The following RASGRP1 variants were observed in gnomAD, a reference collection of about 807,000 sequenced individuals.
The protein encoded by RASGRP1 is RAS guanyl releasing protein 1, also known as RAS guanyl-releasing protein 1.
Under a neutral mutation model 95.1 loss-of-function variants are expected in RASGRP1, and 37 were observed. The ratio of observed to expected loss-of-function variants is 0.39; its 90% CI spans 0.30 to 0.51. The LOEUF (loss-of-function observed/expected upper bound fraction) is 0.51, where lower values mean the gene tolerates loss of function less well. RASGRP1 is among the 20% of genes least tolerant of loss of function. RASGRP1 has a pLI of 0.80. For synonymous variants in RASGRP1, 325 were observed against 353.4 expected, an observed-to-expected ratio of 0.92 and a Z score of 0.90; for missense variants, 711 against 965.4, an observed-to-expected ratio of 0.74 and a Z score of 3.49.
chr15:38,559,670 A>T (rs542258905), intron 2 of RASGRP1, 151 bp downstream of exon 2: 1 of 765,624 alleles, frequency 1.3e-6, no homozygotes, highest in Non-Finnish European at 2.1e-6. Flanking sequence ...CATGTGCCAT[A>T]GGCTCTGCAG....
intron 2 of RASGRP1, among the ~76,000 whole-genome samples, chr15:38,530,415 G>C (rs1892389385): frequency 6.6e-6 from 1 of 152,198 alleles, no homozygotes; most frequent in Non-Finnish European, 1.5e-5. Flanking sequence ...CACTGACATA[G>C]AGAAGGTAAA....
chr15:38,535,415 T>C (rs1892607103), intron 2 of RASGRP1, among the ~76,000 whole-genome samples: 1 of 152,196 alleles, frequency 6.6e-6, no homozygotes, highest in Non-Finnish European at 1.5e-5. Context: ...ACTGGAATTA[T>C]GGTACATACT....
At position 38,489,010 on chromosome 15, in the gene RASGRP1, G is replaced by A. The variant is rs756070015; in HGVS notation, c.*1544C>T. On this transcript the variant is annotated 3_prime_UTR_variant, in exon 17 of 17. Coordinates refer to ENST00000310803, the MANE Select transcript of RASGRP1 (RefSeq NM_005739.4). ...ACTCAGTGCAAGGAGGAACTCAAAT[G>A]GGAACTGATCTTTCATCAAAGAGAA... is the stretch of plus-strand genomic sequence containing the variant. 6.6e-6 allele frequency: 1 copy of A among 151,964 alleles called. No homozygotes were observed. The highest frequency in any genetic ancestry group is 1.5e-5 in the Non-Finnish European group (1 of 67,878). 9.4% of individuals were successfully genotyped at this position (151,964 alleles called of 1,614,324 possible).
intron 2 of RASGRP1, among the ~76,000 whole-genome samples, chr15:38,550,933 T>C (rs1893316808): frequency 6.6e-6 from 1 of 152,202 alleles, no homozygotes; most frequent in African/African-American, 2.4e-5. Flanking sequence ...AAAGTAAGTA[T>C]AAATGCTGAG....
At chr15:38,528,091 G>A (rs536097305) in intron 2 of RASGRP1, among the ~76,000 whole-genome samples, 24 of 152,070 alleles carry the variant, frequency 1.6e-4, no homozygotes, top group Non-Finnish European at 2.8e-4. Context: ...TCTCCTGTTA[G>A]CATGGAAGGC....
intron 3 of RASGRP1, among the ~76,000 whole-genome samples, chr15:38,522,941 G>A (rs945153035): frequency 1.3e-5 from 2 of 152,092 alleles, no homozygotes; most frequent in South Asian, 2.1e-4. Flanking sequence ...CGGGGTAGGC[G>A]GACCATGTAG....
At chr15:38,551,653 A>C (rs1893343073) in intron 2 of RASGRP1, among the ~76,000 whole-genome samples, 1 of 152,238 alleles carries the variant, frequency 6.6e-6, no homozygotes, top group East Asian at 1.9e-4. Flanking sequence ...TTAAACACAA[A>C]AATCCGAAGT....
At chr15:38,531,047 A>T (rs2141148247) in intron 2 of RASGRP1, among the ~76,000 whole-genome samples, 1 of 152,318 alleles carries the variant, frequency 6.6e-6, no homozygotes, top group East Asian at 1.9e-4. Context: ...GAGCCTGAAG[A>T]GCAACACTTA....
At chr15:38,499,181 A>G (rs1401376269) in intron 14 of RASGRP1, 14 of 667,468 alleles carry the variant, frequency 2.1e-5, no homozygotes, top group Non-Finnish European at 3.8e-5. Flanking sequence ...CAGTATCCTG[A>G]TATCTTGGAG....
intron 15 of RASGRP1, among the ~76,000 whole-genome samples, chr15:38,497,381 G>A (rs982161859): frequency 2.7e-5 from 4 of 147,302 alleles, no homozygotes; most frequent in South Asian, 2.1e-4. Context: ...TACCTAAATC[G>A]CCTTAACACC....
chr15:38,542,858 TATACAC>T (rs750899306), intron 2 of RASGRP1, among the ~76,000 whole-genome samples: 1 of 122,832 alleles, frequency 8.1e-6, no homozygotes, highest in Non-Finnish European at 1.6e-5. Context: ...TGTGTATATA[TATACAC>T]ATATATGTGT....
Position 38,512,854 on chromosome 15 carries a change from G to C in RASGRP1, c.778C>G (p.Leu260Val). ...GGCGTGGGGCGGCTGAGAACCATCA[G>C]TTGTACCCACTGGGAGATGCCGTTG... ...LCNGISQWVQ[L>V]MVLSRPTPQL... The change falls in exon 7 of 17, where the codon CTG becomes GTG. Residue 260 changes from leucine (L) to valine (V), a missense_variant. Around this residue, in one of 3 missense-constraint regions of RASGRP1, gnomAD observed 491 missense variants for 676.6 expected, o/e 0.73. Transcript: ENST00000310803. 6.2e-7 allele frequency: 1 copy of C among 1,613,656 alleles called. No homozygotes were observed. The highest frequency in any genetic ancestry group is 8.5e-7 in the Non-Finnish European group (1 of 1,179,752).
Position 38,508,875 on chromosome 15 carries a change from T to C in RASGRP1, c.967-874A>G, listed in dbSNP as rs544747972. On this transcript the variant is annotated intron_variant, in intron 8 of 16. Coordinates refer to ENST00000310803, the MANE Select transcript of RASGRP1 (RefSeq NM_005739.4). ...TGAAGTGACTGTCTGCCAATCATGT[T>C]ATCATACAACATAAGGAGTCCTCTC... Among the ~76,000 whole-genome samples the C allele has an allele frequency of 1.4e-4, 22 of 152,330 alleles. No homozygotes were observed. The East Asian group carries it at 4.0e-3, about 28-fold the overall frequency.
intron 1 of RASGRP1, among the ~76,000 whole-genome samples, chr15:38,564,154 G>A (rs978502018): frequency 6.6e-6 from 1 of 152,230 alleles, no homozygotes; most frequent in African/African-American, 2.4e-5. Context: ...CTCCCTGCAA[G>A]CTCCTCGGCC....
chr15:38,493,632 C>A (rs1456963068), intron 16 of RASGRP1, among the ~76,000 whole-genome samples: 1 of 152,212 alleles, frequency 6.6e-6, no homozygotes, highest in African/African-American at 2.4e-5. Flanking sequence ...CATTGAAAAG[C>A]AGCTCCTCTT....
At chr15:38,499,463 C>G (rs989645408) in intron 14 of RASGRP1, among the ~76,000 whole-genome samples, 2 of 152,116 alleles carry the variant, frequency 1.3e-5, no homozygotes, top group African/African-American at 4.8e-5. Context: ...ATGAGAGCAC[C>G]ATCTCCTACC....
rs1488647857 is a variant in RASGRP1 at position 38,501,248 on chromosome 15, G to A, written c.1578C>T (p.Phe526=). 2 of 1,613,044 alleles carry A rather than the reference G, an allele frequency of 1.2e-6. No homozygotes were observed. Among genetic ancestry groups the A allele is most frequent in the Admixed American group, 1.7e-5 (1 of 59,960 alleles). ...TGGAATAGATTGAGCTGGCTCTCAT[G>A]AAGTAGGCTGTGATCTCATCCCTGC... ...LISRDEITAY[F]MRASSIYSKL... is the part of the protein sequence containing the mutation. Residue 526 remains phenylalanine (F), a synonymous_variant, in exon 13 of 17, where the codon TTC becomes TTT. Transcript: ENST00000310803.
chr15:38,557,601 A>G lies in RASGRP1; in HGVS notation c.220+2220T>C, dbSNP rs867167815. On this transcript the variant is annotated intron_variant, in intron 2 of 16. Transcript: ENST00000310803. ...TTATCACCCTGTCCTTTGTATATAT[A>G]TGTGTGTGTGTGTGTGTGTGTGTGT... 1.5e-3 allele frequency among the ~76,000 whole-genome samples: 224 copies of G among 145,384 alleles called. 2 individuals are homozygous for G. The highest frequency in any genetic ancestry group is 5.4e-3 in the African/African-American group (210 of 38,698).
chr15:38,555,552 G>A lies in RASGRP1; in HGVS notation c.220+4269C>T, dbSNP rs1199150732. Among the ~76,000 whole-genome samples the A allele has an allele frequency of 2.6e-5, 4 of 152,208 alleles. No individual in the cohort carries two copies. In the East Asian group the frequency reaches 7.7e-4, roughly 29 times the overall value. On this transcript the variant is annotated intron_variant, in intron 2 of 16. Transcript: ENST00000310803. ...CAACCCAGGTTGCAAGTGGCTGCTAGGGGTAGGGGAAGGAGAACAGGAGCA... is the reference window on the plus strand; with the variant it reads ...CAACCCAGGTTGCAAGTGGCTGCTAAGGGTAGGGGAAGGAGAACAGGAGCA...
Sources: gnomAD v4.1 joint callset for allele counts (sites outside exome capture counted in the v4.1 genomes callset) on GRCh38, gnomAD v4.1.1 for gene constraint, gnomAD v4.1.1 regional missense constraint, MANE v1.5 for transcripts, NCBI Gene and HGNC (gene_info 2026-07-23, HGNC 2026-07-21) for gene names.